The following SGCZ variants were observed in gnomAD, a reference collection of about 807,000 sequenced individuals.
The protein encoded by SGCZ is zeta-sarcoglycan.
SGCZ carries 40 observed loss-of-function variants against 41.3 expected under a neutral mutation model. That is an observed-to-expected ratio of 0.97 (90% CI 0.75 to 1.26). SGCZ has a LOEUF of 1.26. Among genes scored for constraint, SGCZ ranks in the 50% most tolerant of loss-of-function variants. SGCZ has a pLI of 0.00. For missense variants in SGCZ, 552 were observed against 369.8 expected (o/e 1.49, Z -4.04); for synonymous variants, 206 against 137.5 (o/e 1.50, Z -3.49).
chr8:14,417,129 G>A (rs1282468545), intron 2 of SGCZ, among the ~76,000 whole-genome samples: 1 of 151,802 alleles, frequency 6.6e-6, no homozygotes, highest in Non-Finnish European at 1.5e-5. Flanking sequence ...GTAAGAGCCC[G>A]TCTTAGAGAC....
chr8:14,504,472 G>C (rs12675036), intron 2 of SGCZ, among the ~76,000 whole-genome samples: 10,863 of 152,160 alleles, frequency 0.071, 597 homozygotes, highest in African/African-American at 0.15. Flanking sequence ...AGTATCACCT[G>C]CTTCACTCTA....
intron 1 of SGCZ, among the ~76,000 whole-genome samples, chr8:14,594,174 CAAAAAATA>C (rs1447407765): frequency 2.0e-4 from 23 of 116,892 alleles, no homozygotes; most frequent in African/African-American, 6.1e-4. Context: ...GACTCCATCT[CAAAAAATA>C]AATAAATAAA....
intron 2 of SGCZ, among the ~76,000 whole-genome samples, chr8:14,368,806 CA>C (rs1803808870): frequency 2.0e-5 from 3 of 151,140 alleles, no homozygotes; most frequent in Non-Finnish European, 4.4e-5. Flanking sequence ...CTCAAGTGGC[CA>C]AAAAACATCT....
intron 1 of SGCZ, among the ~76,000 whole-genome samples, chr8:14,608,582 G>A (rs1363139403): frequency 6.6e-6 from 1 of 152,074 alleles, no homozygotes; most frequent in African/African-American, 2.4e-5. Flanking sequence ...GGGAAGGCAA[G>A]AACTACTAAG....
Position 14,646,132 on chromosome 8 carries a change from G to C in SGCZ, c.40-91206C>G, listed in dbSNP as rs564886308. Among the ~76,000 whole-genome samples, 11 of 151,898 alleles carry C rather than the reference G, an allele frequency of 7.2e-5. No homozygotes were observed. The South Asian group carries it at 2.1e-3, about 29-fold the overall frequency. On this transcript the variant is annotated intron_variant, in intron 1 of 7. Coordinates refer to ENST00000382080, the MANE Select transcript of SGCZ (RefSeq NM_139167.4). ...ACATGGTTATACCGCATGATGCTGA[G>C]GTTCAGGGTACAACTGCACCCAGAT...
chr8:14,794,779 C>A (rs1403874347), intron 1 of SGCZ, among the ~76,000 whole-genome samples: 1 of 152,070 alleles, frequency 6.6e-6, no homozygotes, highest in African/African-American at 2.4e-5. Flanking sequence ...TATGAATGTA[C>A]CATAGAGGGA....
At chr8:15,168,839 T>A (rs1563162873) in intron 1 of SGCZ, among the ~76,000 whole-genome samples, 1 of 152,178 alleles carries the variant, frequency 6.6e-6, no homozygotes. Flanking sequence ...AAGAGTTAAT[T>A]TCCCAAACCT....
intron 2 of SGCZ, among the ~76,000 whole-genome samples, chr8:14,384,720 C>T (rs140133226): frequency 0.014 from 2,130 of 152,164 alleles, 47 homozygotes; most frequent in African/African-American, 0.047. Flanking sequence ...CCACCATACC[C>T]GGCTAATTTT....
intron 1 of SGCZ, among the ~76,000 whole-genome samples, chr8:14,942,721 T>C (rs73517369): frequency 0.095 from 14,461 of 152,188 alleles, 780 homozygotes; most frequent in South Asian, 0.15. Context: ...TATCTTCTAA[T>C]ATATTCAATC....
At chr8:14,552,269 T>A (rs958142098) in intron 2 of SGCZ, among the ~76,000 whole-genome samples, 5 of 152,092 alleles carry the variant, frequency 3.3e-5, no homozygotes, top group Non-Finnish European at 5.9e-5. Flanking sequence ...GTATTCAGGA[T>A]TGCTGAAGTC....
chr8:15,064,579 G>T, intron 1 of SGCZ, among the ~76,000 whole-genome samples: 1 of 143,900 alleles, frequency 6.9e-6, no homozygotes, highest in Admixed American at 6.8e-5. Context: ...TTCAGTGGAA[G>T]AACTGAAGTT....
At chr8:14,625,035 G>A (rs2117380895) in intron 1 of SGCZ, among the ~76,000 whole-genome samples, 1 of 152,012 alleles carries the variant, frequency 6.6e-6, no homozygotes, top group Non-Finnish European at 1.5e-5. Flanking sequence ...AATATTTAAA[G>A]GTAGTTGTTT....
chr8:14,613,082 G>T (rs1805982453), intron 1 of SGCZ, among the ~76,000 whole-genome samples: 1 of 152,166 alleles, frequency 6.6e-6, no homozygotes, highest in African/African-American at 2.4e-5. Flanking sequence ...GCTGCACCCT[G>T]TGCCCTGCAC....
At chr8:14,845,541 C>G (rs1016236597) in intron 1 of SGCZ, among the ~76,000 whole-genome samples, 2 of 151,938 alleles carry the variant, frequency 1.3e-5, no homozygotes, top group Admixed American at 6.6e-5. Context: ...AGAAACTGAC[C>G]TAAAGTTGAC....
At chr8:14,377,012 A>G (rs576935487) in intron 2 of SGCZ, among the ~76,000 whole-genome samples, 158 of 152,286 alleles carry the variant, frequency 1.0e-3, no homozygotes, top group African/African-American at 3.6e-3. Context: ...CCCTTTTGTT[A>G]TACACAATAA....
At chr8:14,132,255 T>A (rs981522401) in intron 5 of SGCZ, among the ~76,000 whole-genome samples, 25 of 152,220 alleles carry the variant, frequency 1.6e-4, no homozygotes, top group African/African-American at 6.0e-4. Flanking sequence ...GTATATGTTC[T>A]ATTTCAATTA....
At chr8:14,327,053 A>C (rs1191694895) in intron 2 of SGCZ, among the ~76,000 whole-genome samples, 1 of 152,246 alleles carries the variant, frequency 6.6e-6, no homozygotes, top group African/African-American at 2.4e-5. Flanking sequence ...CATGACAAGG[A>C]AAGTCAGAAG....
intron 3 of SGCZ, chr8:14,309,184 G>A: frequency 1.4e-6 from 2 of 1,480,900 alleles, no homozygotes; most frequent in Non-Finnish European, 1.9e-6. Flanking sequence ...GCAAAACTTG[G>A]CAAGCAAACC....
intron 4 of SGCZ, among the ~76,000 whole-genome samples, chr8:14,219,575 C>T (rs932743583): frequency 5.3e-5 from 8 of 152,016 alleles, no homozygotes; most frequent in African/African-American, 1.5e-4. Flanking sequence ...GATGAAACCC[C>T]GTCTCTACTA....
Sources: gnomAD v4.1 joint callset for allele counts (sites outside exome capture counted in the v4.1 genomes callset) on GRCh38, gnomAD v4.1.1 for gene constraint, MANE v1.5 for transcripts, NCBI Gene and HGNC (gene_info 2026-07-23, HGNC 2026-07-21) for gene names.